Variants in SLC38A12 observed in about 807,000 individuals in gnomAD.
SLC38A12 encodes the protein putative sodium-coupled neutral amino acid transporter 12.
At chr17:74,826,409 C>T in the SLC38A12 span, among the ~76,000 whole-genome samples, 35 of 152,206 alleles carry the variant, frequency 2.3e-4, no homozygotes, top group Admixed American at 2.1e-3. Flanking sequence ...CTTGTTTCAG[C>T]ACTCTCCTCT....
the SLC38A12 span, among the ~76,000 whole-genome samples, chr17:74,828,562 T>G: frequency 2.0e-5 from 3 of 152,182 alleles, no homozygotes; most frequent in South Asian, 6.2e-4. Context: ...GGGCCCTCTA[T>G]GGCTCCCAAG....
the SLC38A12 span, among the ~76,000 whole-genome samples, chr17:74,823,827 C>A: frequency 2.0e-5 from 3 of 152,352 alleles, no homozygotes; most frequent in African/African-American, 7.2e-5. Context: ...TTGCCTTGTT[C>A]CCCCCGTGTG....
At chr17:74,800,713 C>T in the SLC38A12 span, among the ~76,000 whole-genome samples, 4 of 152,234 alleles carry the variant, frequency 2.6e-5, no homozygotes, top group East Asian at 1.9e-4. Flanking sequence ...TTGCTTTCAA[C>T]GTCAGTGGTG....
the SLC38A12 span, among the ~76,000 whole-genome samples, chr17:74,814,203 G>C: frequency 4.6e-5 from 7 of 152,170 alleles, no homozygotes; most frequent in Non-Finnish European, 1.0e-4. Flanking sequence ...CTTCTTTGTG[G>C]GGACCTTGGA....
chr17:74,780,359 G>C, the SLC38A12 span, among the ~76,000 whole-genome samples: 1 of 152,238 alleles, frequency 6.6e-6, no homozygotes, highest in African/African-American at 2.4e-5. Flanking sequence ...GGGCATAGGA[G>C]AGCAGGCCAG....
chr17:74,802,091 G>A, the SLC38A12 span, among the ~76,000 whole-genome samples: 1 of 152,134 alleles, frequency 6.6e-6, no homozygotes, highest in Non-Finnish European at 1.5e-5. Context: ...GGACACCTGG[G>A]TGACGCCTCC....
chr17:74,812,369 C>G, the SLC38A12 span, among the ~76,000 whole-genome samples: 5 of 152,158 alleles, frequency 3.3e-5, no homozygotes, highest in Non-Finnish European at 7.4e-5. Flanking sequence ...TCCCCAGATA[C>G]TGTAATTCAA....
the SLC38A12 span, among the ~76,000 whole-genome samples, chr17:74,825,647 C>T: frequency 6.6e-6 from 1 of 152,222 alleles, no homozygotes; most frequent in Non-Finnish European, 1.5e-5. Context: ...ATGGGCAGAT[C>T]CAGCTACCAG....
chr17:74,784,306 C>T, the SLC38A12 span, among the ~76,000 whole-genome samples: 1 of 152,150 alleles, frequency 6.6e-6, no homozygotes, highest in African/African-American at 2.4e-5. Flanking sequence ...GAGTCTACTG[C>T]ACCAGTCCAG....
At chr17:74,785,754 G>C in the SLC38A12 span, 7 of 1,142,148 alleles carry the variant, frequency 6.1e-6, no homozygotes, top group Non-Finnish European at 8.4e-6. Flanking sequence ...GGTATTCAGA[G>C]AGGGGAAAGT....
chr17:74,781,286 T>G, the SLC38A12 span, among the ~76,000 whole-genome samples: 3 of 152,298 alleles, frequency 2.0e-5, no homozygotes, highest in Admixed American at 6.5e-5. Context: ...AACTTTTGCC[T>G]AAGAACCATT....
chr17:74,791,412 T>A, the SLC38A12 span, among the ~76,000 whole-genome samples: 1 of 151,906 alleles, frequency 6.6e-6, no homozygotes, highest in Non-Finnish European at 1.5e-5. Context: ...AGGCAGCTAC[T>A]CCAGTGAGGG....
At chr17:74,792,111 A>G in the SLC38A12 span, among the ~76,000 whole-genome samples, 1 of 146,670 alleles carries the variant, frequency 6.8e-6, no homozygotes, top group Non-Finnish European at 1.5e-5. Flanking sequence ...GCGCCACTGC[A>G]CTCCAGCCTG....
At chr17:74,818,710 C>T in the SLC38A12 span, among the ~76,000 whole-genome samples, 2 of 152,206 alleles carry the variant, frequency 1.3e-5, no homozygotes, top group Admixed American at 6.5e-5. Flanking sequence ...CTCTGGTGAG[C>T]GTCATTAGCA....
chr17:74,831,906 G>A, the SLC38A12 span, among the ~76,000 whole-genome samples: 3 of 152,222 alleles, frequency 2.0e-5, no homozygotes, highest in Non-Finnish European at 2.9e-5. Flanking sequence ...TCCCCATCGC[G>A]CATCCTGGCA....
the SLC38A12 span, among the ~76,000 whole-genome samples, chr17:74,820,242 G>T: frequency 6.6e-6 from 1 of 152,182 alleles, no homozygotes; most frequent in Admixed American, 6.5e-5. Flanking sequence ...GAGCGGCGCG[G>T]CTCTGCGTTC....
chr17:74,817,772 C>T, the SLC38A12 span, among the ~76,000 whole-genome samples: 4 of 152,064 alleles, frequency 2.6e-5, no homozygotes, highest in African/African-American at 7.2e-5. Flanking sequence ...TTCTGCTGTC[C>T]GTCTATTTTT....
chr17:74,816,103 G>A, the SLC38A12 span, among the ~76,000 whole-genome samples: 2 of 152,180 alleles, frequency 1.3e-5, no homozygotes, highest in Non-Finnish European at 2.9e-5. Flanking sequence ...ACTCCCTACT[G>A]TGCTTAAATC....
chr17:74,785,512 G>T, the SLC38A12 span: 3 of 1,614,034 alleles, frequency 1.9e-6, no homozygotes, highest in Middle Eastern at 5.0e-4. Flanking sequence ...TAACCTCATC[G>T]TGGGCACGGG....
Sources: allele counts gnomAD v4.1 joint callset (sites outside exome capture counted in the v4.1 genomes callset), GRCh38; gene constraint gnomAD v4.1.1; transcripts MANE v1.5; gene names NCBI Gene and HGNC (gene_info 2026-07-23, HGNC 2026-07-21).